The following INPP5A variants were observed in gnomAD, a reference collection of about 807,000 sequenced individuals.
The protein encoded by INPP5A is 43 kDa inositol polyphosphate 5-phophatase.
A neutral mutation model predicts 65.2 loss-of-function variants in INPP5A; 14 were observed. The observed-to-expected ratio is 0.21, with a 90% confidence interval of 0.14 to 0.34. The LOEUF is 0.34. Ranked by LOEUF, INPP5A falls within the 10% of genes least tolerant of loss-of-function variation. The pLI is 1.00. For missense variants in INPP5A, 431 were observed against 545.6 expected (o/e 0.79, Z 2.09); for synonymous variants, 207 against 208.3 (o/e 0.99, Z 0.05).
chr10:132,722,426 A>G lies in INPP5A; in HGVS notation c.648-4395A>G, dbSNP rs143564273. 3.4e-3 allele frequency among the ~76,000 whole-genome samples: 522 copies of G among 152,194 alleles called. 1 individual carries two copies. Among genetic ancestry groups the G allele is most frequent in the African/African-American group, 0.012 (496 of 41,524 alleles). ...AAAAAACTAGCCCCATTCGAGTCTG[A>G]TATTTTTTAGGGCCCCAGTGAGACT... On this transcript the variant is annotated intron_variant, in intron 8 of 15. Transcript: ENST00000368594.
intron 9 of INPP5A, 73 bp from the exon 10 acceptor site, chr10:132,749,444 C>T (rs1285765305): frequency 5.9e-6 from 8 of 1,350,320 alleles, no homozygotes; most frequent in African/African-American, 1.4e-5. Flanking sequence ...CCCACTGACT[C>T]GGGGTGTCGG....
chr10:132,687,502 C>T (rs1399993111), intron 4 of INPP5A, among the ~76,000 whole-genome samples: 2 of 152,224 alleles, frequency 1.3e-5, no homozygotes, highest in South Asian at 2.1e-4. Context: ...CTGGCTTTCC[C>T]GTGGAGGCAG....
chr10:132,619,278 C>G (rs185851331), intron 2 of INPP5A, among the ~76,000 whole-genome samples: 3 of 152,190 alleles, frequency 2.0e-5, no homozygotes, highest in Non-Finnish European at 4.4e-5. Context: ...AGCCCCCAGG[C>G]GAGTTTGAAA....
At chr10:132,657,114 C>T (rs2072666862) in intron 4 of INPP5A, among the ~76,000 whole-genome samples, 1 of 152,206 alleles carries the variant, frequency 6.6e-6, no homozygotes, top group Non-Finnish European at 1.5e-5. Context: ...CAGGATGGCC[C>T]CATGCACTTG....
intron 1 of INPP5A, among the ~76,000 whole-genome samples, chr10:132,598,557 T>G (rs1034293831): frequency 1.3e-5 from 2 of 152,268 alleles, no homozygotes; most frequent in Non-Finnish European, 2.9e-5. Context: ...TGTTGCATAG[T>G]CAGAATACCC....
At chr10:132,564,922 T>G (rs891358246) in intron 1 of INPP5A, among the ~76,000 whole-genome samples, 1 of 152,182 alleles carries the variant, frequency 6.6e-6, no homozygotes, top group African/African-American at 2.4e-5. Context: ...GGCTCTGGGC[T>G]GTGCTTGGGT....
chr10:132,737,544 G>T (rs1450779467), intron 9 of INPP5A, among the ~76,000 whole-genome samples: 1 of 152,266 alleles, frequency 6.6e-6, no homozygotes, highest in African/African-American at 2.4e-5. Context: ...GTGGGGCACT[G>T]CCCTCGCCAC....
Position 132,558,957 on chromosome 10 carries a change from C to T in INPP5A, c.75+20786C>T, listed in dbSNP as rs146475656. Among the ~76,000 whole-genome samples, 418 of 152,332 alleles carry T rather than the reference C, an allele frequency of 2.7e-3. 1 individual carries two copies. Among genetic ancestry groups the T allele is most frequent in the African/African-American group, 9.5e-3 (393 of 41,574 alleles). ...GGAAGTCCTCTGCTCACGGTGCCCA[C>T]CCTGGTCGAGCCCAGCCAGCTGGAG... On this transcript the variant is annotated intron_variant, in intron 1 of 15. Coordinates refer to ENST00000368594, the MANE Select transcript of INPP5A (RefSeq NM_005539.5).
chr10:132,716,689 G>C (rs1845745653), intron 8 of INPP5A, among the ~76,000 whole-genome samples: 1 of 152,224 alleles, frequency 6.6e-6, no homozygotes, highest in Admixed American at 6.5e-5. Context: ...GGAGAGGAGT[G>C]GGGGGTCCTG....
chr10:132,740,576 G>A (rs1166586457), intron 9 of INPP5A, among the ~76,000 whole-genome samples: 1 of 152,160 alleles, frequency 6.6e-6, no homozygotes, highest in Non-Finnish European at 1.5e-5. Context: ...CTCGTTTTAA[G>A]GAAAACCCAT....
chr10:132,730,286 C>T (rs1846060648), intron 9 of INPP5A, among the ~76,000 whole-genome samples: 2 of 152,234 alleles, frequency 1.3e-5, no homozygotes, highest in South Asian at 4.1e-4. Flanking sequence ...TCATTGCCAC[C>T]CATCTGCCTC....
intron 1 of INPP5A, among the ~76,000 whole-genome samples, chr10:132,590,172 T>TGGG (rs2071601638): frequency 1.3e-5 from 2 of 152,286 alleles, no homozygotes; most frequent in African/African-American, 4.8e-5. Context: ...ACGCCAGGGA[T>TGGG]GCGGCCTCCT....
rs556536645 is a variant in INPP5A at position 132,669,520 on chromosome 10, C to T, written c.306+19015C>T. ...AAGTGACAGGGCAGAAACAGCTGCTCGAGGAGGCCCCGTGTTCTCCTGGGG... is the reference window on the plus strand; with the variant it reads ...AAGTGACAGGGCAGAAACAGCTGCTTGAGGAGGCCCCGTGTTCTCCTGGGG... On this transcript the variant is annotated intron_variant, in intron 4 of 15. Coordinates refer to ENST00000368594, the MANE Select transcript of INPP5A (RefSeq NM_005539.5). 7.3e-4 allele frequency among the ~76,000 whole-genome samples: 111 copies of T among 152,298 alleles called. 1 individual carries two copies. Among genetic ancestry groups the T allele is most frequent in the African/African-American group, 2.6e-3 (110 of 41,556 alleles).
chr10:132,780,770 A>T, intron 13 of INPP5A, 79 bp from the exon 14 acceptor site: 1 of 1,140,010 alleles, frequency 8.8e-7, no homozygotes, highest in Non-Finnish European at 1.3e-6. Context: ...CAAAACCCTG[A>T]TGTTCCTGCC....
At position 132,546,048 on chromosome 10, in the gene INPP5A, T is replaced by C. The variant is rs1357120889; in HGVS notation, c.75+7877T>C. ...TTGTGTACGGGGGCCGGCAGCACCG[T>C]TGTGTTGGGATGAGTGGCCGAGGCG... On this transcript the variant is annotated intron_variant, in intron 1 of 15. Coordinates refer to ENST00000368594, the MANE Select transcript of INPP5A (RefSeq NM_005539.5). The surrounding 1 kb of genome is among the most constrained non-coding windows in gnomAD (Gnocchi z 5.7). 6.6e-6 allele frequency among the ~76,000 whole-genome samples: 1 copy of C among 152,092 alleles called. No homozygotes were observed. Among genetic ancestry groups the C allele is most frequent in the Non-Finnish European group, 1.5e-5 (1 of 67,998 alleles).
At chr10:132,691,026 T>A (rs958358602) in intron 5 of INPP5A, among the ~76,000 whole-genome samples, 8 of 152,252 alleles carry the variant, frequency 5.3e-5, no homozygotes, top group Admixed American at 2.0e-4. Context: ...TTTCCTGCTG[T>A]GTGTGAGTTC....
At position 132,782,030 on chromosome 10, in the gene INPP5A, G is replaced by T. The variant is rs759756517; in HGVS notation, c.*8-7G>T. On this transcript the variant is annotated splice_region_variant and splice_polypyrimidine_tract_variant and intron_variant, in intron 15 of 15. Coordinates refer to ENST00000368594, the MANE Select transcript of INPP5A (RefSeq NM_005539.5). This position sits in a 1 kb window ranked among gnomAD's most constrained non-coding sequence, Gnocchi z 4.4. ...GTTCCTTTAACAAATTACGAATTCC[G>T]TGACAGGGAAGAGATGCCAGCGCCA... is the stretch of plus-strand genomic sequence containing the variant. 2 of 1,601,408 alleles carry T rather than the reference G, an allele frequency of 1.2e-6. No homozygotes were observed. The highest frequency in any genetic ancestry group is 2.2e-5 in the South Asian group (2 of 89,872).
intron 1 of INPP5A, among the ~76,000 whole-genome samples, chr10:132,557,662 G>A (rs1461945925): frequency 6.6e-6 from 1 of 152,242 alleles, no homozygotes; most frequent in Non-Finnish European, 1.5e-5. Context: ...GACTTAGGGT[G>A]TAACCACAGG....
At chr10:132,573,697 A>T (rs375516282) in intron 1 of INPP5A, among the ~76,000 whole-genome samples, 1 of 18,860 alleles carries the variant, frequency 5.3e-5, no homozygotes. Context: ...GTTGGGGTGT[A>T]CGTGCCGTGT....
Sources: allele counts gnomAD v4.1 joint callset (sites outside exome capture counted in the v4.1 genomes callset), GRCh38; gene constraint gnomAD v4.1.1; non-coding constraint Gnocchi (gnomAD v3.1); transcripts MANE v1.5; gene names NCBI Gene and HGNC (gene_info 2026-07-23, HGNC 2026-07-21).